Variants in ZCCHC14 observed in about 807,000 individuals in gnomAD.
The protein encoded by ZCCHC14 is zinc finger CCHC domain-containing protein 14.
A neutral mutation model predicts 85.0 loss-of-function variants in ZCCHC14; 16 were observed. The ratio of observed to expected loss-of-function variants is 0.19; its 90% CI spans 0.13 to 0.29. The LOEUF is 0.29. ZCCHC14 is among the 10% of genes least tolerant of loss of function. The probability of loss-of-function intolerance (pLI) is 1.00; values close to 1 mark genes in which losing one functional copy is unlikely to be tolerated. For synonymous variants in ZCCHC14, 775 were observed against 630.7 expected, an observed-to-expected ratio of 1.23 and a Z score of -3.43; for missense variants, 1,303 against 1,443.5, an observed-to-expected ratio of 0.90 and a Z score of 1.58.
At chr16:87,468,901 A>G (rs1255564627) in intron 1 of ZCCHC14, among the ~76,000 whole-genome samples, 2 of 152,178 alleles carry the variant, frequency 1.3e-5, no homozygotes, top group Non-Finnish European at 2.9e-5. Context: ...CCTAATATTG[A>G]GTACTGCGTC....
chr16:87,461,744 G>A (rs917450557), intron 1 of ZCCHC14, among the ~76,000 whole-genome samples: 6 of 152,184 alleles, frequency 3.9e-5, no homozygotes, highest in African/African-American at 1.4e-4. Flanking sequence ...TGCCACTCCG[G>A]CAGGACCAGC....
intron 3 of ZCCHC14, among the ~76,000 whole-genome samples, chr16:87,428,471 A>C (rs1909485258): frequency 6.6e-6 from 1 of 152,252 alleles, no homozygotes; most frequent in East Asian, 1.9e-4. Context: ...ACAAAGGACA[A>C]CTTACTTAAA....
At chr16:87,449,673 T>G (rs1910603132) in intron 2 of ZCCHC14, among the ~76,000 whole-genome samples, 1 of 152,200 alleles carries the variant, frequency 6.6e-6, no homozygotes. Context: ...AGAAACCACT[T>G]CAACAATTTA....
At chr16:87,441,458 A>G (rs935502074) in intron 2 of ZCCHC14, among the ~76,000 whole-genome samples, 1 of 151,728 alleles carries the variant, frequency 6.6e-6, no homozygotes, top group Admixed American at 6.6e-5. Flanking sequence ...GATTTTCCTT[A>G]TCTCCCATTC....
intron 3 of ZCCHC14, among the ~76,000 whole-genome samples, chr16:87,424,297 T>A (rs567416215): frequency 5.6e-4 from 85 of 152,240 alleles, no homozygotes; most frequent in Non-Finnish European, 1.2e-3. Context: ...TAAGGGCCCG[T>A]GGTGCGCCCG....
chr16:87,446,373 A>T (rs1294406593), intron 2 of ZCCHC14, among the ~76,000 whole-genome samples: 1 of 151,950 alleles, frequency 6.6e-6, no homozygotes, highest in East Asian at 1.9e-4. Flanking sequence ...AATCTCAGCT[A>T]TTCAGGAGGC....
chr16:87,417,912 C>T lies in ZCCHC14; in HGVS notation c.1101-170G>A, dbSNP rs114940147. ...CACTGCTGTGCTATGACTGCCCTCC[C>T]TCCCCAACCACCTTTCTGCAGCTAA... On this transcript the variant is annotated intron_variant, in intron 7 of 12. Coordinates refer to ENST00000671377, the MANE Select transcript of ZCCHC14 (RefSeq NM_015144.3). 5.2e-3 allele frequency: 3,697 copies of T among 712,176 alleles called. 124 individuals are homozygous for T. The African/African-American group carries it at 0.06, about 12-fold the overall frequency. The allele number at this position is 712,176 out of a possible 1,614,324, so 44.1% of individuals were successfully genotyped here.
At chr16:87,411,426 A>G (rs1329684728) in intron 12 of ZCCHC14, 90 bp downstream of exon 12, 1 of 1,545,874 alleles carries the variant, frequency 6.5e-7, no homozygotes, top group Admixed American at 2.1e-5. Flanking sequence ...TTGCTTTACA[A>G]AGAAAGAAGT....
At chr16:87,478,030 C>T (rs1253854026) in intron 1 of ZCCHC14, among the ~76,000 whole-genome samples, 2 of 152,258 alleles carry the variant, frequency 1.3e-5, no homozygotes, top group Admixed American at 6.5e-5. Flanking sequence ...TCGCTCCTCC[C>T]TGTAGCCTGC....
intron 1 of ZCCHC14, among the ~76,000 whole-genome samples, chr16:87,487,781 C>A (rs1235699904): frequency 6.6e-6 from 1 of 152,262 alleles, no homozygotes; most frequent in Non-Finnish European, 1.5e-5. Flanking sequence ...GGCCTCTTCA[C>A]ACAGGGGAAC....
At chr16:87,482,233 G>A (rs1290016294) in intron 1 of ZCCHC14, among the ~76,000 whole-genome samples, 5 of 152,192 alleles carry the variant, frequency 3.3e-5, no homozygotes, top group Admixed American at 2.6e-4. Flanking sequence ...TGGAGGTCTG[G>A]TTGAGCCTTT....
At position 87,436,704 on chromosome 16, in the gene ZCCHC14, C is replaced by T. The variant is rs143531256; in HGVS notation, c.695-3503G>A. 3.0e-3 allele frequency among the ~76,000 whole-genome samples: 463 copies of T among 152,258 alleles called. 2 individuals carry two copies. Among genetic ancestry groups the T allele is most frequent in the African/African-American group, 0.011 (446 of 41,556 alleles). On this transcript the variant is annotated intron_variant, in intron 2 of 12. Coordinates refer to ENST00000671377, the MANE Select transcript of ZCCHC14 (RefSeq NM_015144.3). ...CCTATGTAACAACCTGCACATCCTG[C>T]ACACGTACCCCAGAACTTAAAAGAA...
chr16:87,481,538 GGGGT>G (rs1264895994), intron 1 of ZCCHC14, among the ~76,000 whole-genome samples: 9 of 33,890 alleles, frequency 2.7e-4, no homozygotes, highest in African/African-American at 7.7e-4. Context: ...GGGGGGGGGG[GGGGT>G]GGGGGGGGGG....
At chr16:87,484,916 A>C (rs1440252176) in intron 1 of ZCCHC14, among the ~76,000 whole-genome samples, 1 of 152,182 alleles carries the variant, frequency 6.6e-6, no homozygotes, top group Non-Finnish European at 1.5e-5. Context: ...TCAAACGCTG[A>C]CCTACAAGTG....
Position 87,409,840 on chromosome 16 carries a change from C to T in ZCCHC14, c.*440G>A, listed in dbSNP as rs1049722246. On this transcript the variant is annotated 3_prime_UTR_variant, in exon 13 of 13. Coordinates refer to ENST00000671377, the MANE Select transcript of ZCCHC14 (RefSeq NM_015144.3). The stretch of plus-strand genomic sequence containing the variant: ...TAATCACTTTAGGAACAGAACAAAA[C>T]AAAGTCGACATTTTCCCTAGCCCAG... 4 of 155,986 alleles carry T rather than the reference C, an allele frequency of 2.6e-5. No individual in the cohort carries two copies. 9.7% of individuals were successfully genotyped at this position (155,986 alleles called of 1,614,324 possible).
At chr16:87,462,572 C>G (rs1352796545) in intron 1 of ZCCHC14, among the ~76,000 whole-genome samples, 2 of 151,430 alleles carry the variant, frequency 1.3e-5, no homozygotes, top group East Asian at 3.9e-4. Context: ...AACCCCGTCT[C>G]TACTAAAAAT....
At chr16:87,424,599 G>C (rs866032164) in intron 3 of ZCCHC14, among the ~76,000 whole-genome samples, 1 of 152,182 alleles carries the variant, frequency 6.6e-6, no homozygotes, top group South Asian at 2.1e-4. Context: ...AAGCTCCAGG[G>C]GGGAAGGGGC....
intron 3 of ZCCHC14, among the ~76,000 whole-genome samples, chr16:87,429,658 G>A (rs1182142796): frequency 1.3e-5 from 2 of 152,162 alleles, no homozygotes; most frequent in African/African-American, 4.8e-5. Flanking sequence ...CCAAGCTGGA[G>A]TGCAGTGGCA....
At chr16:87,446,167 C>CAAA (rs567505964) in intron 2 of ZCCHC14, among the ~76,000 whole-genome samples, 1 of 54,184 alleles carries the variant, frequency 1.8e-5, no homozygotes, top group African/African-American at 7.5e-5. Context: ...AACTCCGTCT[C>CAAA]AAAAAAAAAA....
Sources: allele counts gnomAD v4.1 joint callset (sites outside exome capture counted in the v4.1 genomes callset), GRCh38; gene constraint gnomAD v4.1.1; transcripts MANE v1.5; gene names NCBI Gene and HGNC (gene_info 2026-07-23, HGNC 2026-07-21).